SEMA4F: variants seen among roughly 807,000 people sequenced by gnomAD.
SEMA4F encodes the protein semaphorin-4F.
Under a neutral mutation model 78.4 loss-of-function variants are expected in SEMA4F, and 51 were observed. The observed-to-expected ratio is 0.65, with a 90% CI of 0.52 to 0.82. The LOEUF (loss-of-function observed/expected upper bound fraction) is 0.82. Among genes scored for constraint, SEMA4F ranks in the 40% least tolerant of loss-of-function variants. The pLI is 0.00. For missense variants in SEMA4F, 938 were observed against 1,014.4 expected (o/e 0.92, Z 1.02); for synonymous variants, 418 against 408.7 (o/e 1.02, Z -0.27).
At chr2:74,657,730 C>T in intron 3 of SEMA4F, 106 bp downstream of exon 3, 1 of 1,392,520 alleles carries the variant, frequency 7.2e-7, no homozygotes, top group South Asian at 1.2e-5. Context: ...CAGGCAGAGA[C>T]TCTAACACCA....
At position 74,665,947 on chromosome 2, in the gene SEMA4F, G is replaced by A. The variant is rs148384427; in HGVS notation, c.550+3122G>A. Among the ~76,000 whole-genome samples, 541 of 147,842 alleles carry A rather than the reference G, an allele frequency of 3.7e-3. 3 individuals are homozygous for A. The highest frequency in any genetic ancestry group is 0.013 in the African/African-American group (506 of 40,042). The stretch of plus-strand genomic sequence containing the variant: ...TTTTGAGACGGAGTCTCGCTCTGTC[G>A]CCCAGGCTGGAATGCAGTGGCGCCA... On this transcript the variant is annotated intron_variant, in intron 5 of 13. Coordinates refer to ENST00000357877, the MANE Select transcript of SEMA4F (RefSeq NM_004263.5).
At chr2:74,694,095 T>A in the SEMA4F span, among the ~76,000 whole-genome samples, 1 of 152,250 alleles carries the variant, frequency 6.6e-6, no homozygotes, top group African/African-American at 2.4e-5. Flanking sequence ...TATATTCCTA[T>A]GTTTGATAAA....
chr2:74,703,670 T>C, the SEMA4F span, among the ~76,000 whole-genome samples: 1 of 152,164 alleles, frequency 6.6e-6, no homozygotes, highest in Non-Finnish European at 1.5e-5. Flanking sequence ...CCTGGCCAAA[T>C]TGGCTGGAGA....
At chr2:74,676,844 A>C (rs142253099) in intron 12 of SEMA4F, among the ~76,000 whole-genome samples, 2 of 152,286 alleles carry the variant, frequency 1.3e-5, no homozygotes, top group Non-Finnish European at 2.9e-5. Context: ...CTGACATTAT[A>C]TCATATTCAT....
chr2:74,674,372 T>G, intron 7 of SEMA4F, 126 bp from the exon 8 acceptor site: 1 of 781,970 alleles, frequency 1.3e-6, no homozygotes, highest in Non-Finnish European at 2.0e-6. Flanking sequence ...TCCTTGCATT[T>G]GTATGTATCT....
In SEMA4F at chr2:74,675,554, ATCGGAGC is replaced by A; in HGVS notation, c.1405_1411del (p.Gly469SerfsTer20). 6.2e-7 allele frequency: 1 copy of A among 1,614,130 alleles called. No homozygotes were observed. Among genetic ancestry groups the A allele is most frequent in the Non-Finnish European group, 8.5e-7 (1 of 1,179,984 alleles). Reference sequence around the variant, plus strand: ...TGGACACCTCCACCGAGCAGTGCGGATCGGAGCTCAGCTCAGCGTTCTTGAAGATCTG... The same window carrying A: ...TGGACACCTCCACCGAGCAGTGCGGATCAGCTCAGCGTTCTTGAAGATCTG... On this transcript the variant is annotated frameshift_variant, in exon 11 of 14. Coordinates refer to ENST00000357877, the MANE Select transcript of SEMA4F (RefSeq NM_004263.5). LOFTEE classifies it high-confidence loss of function.
chr2:74,673,484 A>T lies in SEMA4F; in HGVS notation c.578A>T (p.Lys193Ile). The T allele has an allele frequency of 1.2e-6, 2 of 1,614,108 alleles. No homozygotes were observed. Among genetic ancestry groups the T allele is most frequent in the Non-Finnish European group, 1.7e-6 (2 of 1,180,012 alleles). ...AGGVLYAATV[K>I]NYLGTEPIIT... is the part of the protein sequence containing the mutation. ...GGGGTCCTCTATGCTGCCACTGTGA[A>T]AAACTACCTGGGGACGGAGCCAATT... The change falls in exon 6 of 14, where the codon AAA (lysine) becomes ATA (isoleucine). Residue 193 changes from lysine (K) to isoleucine (I), a missense_variant. Physicochemically the swap from Lys to Ile is moderately radical, Grantham distance 102 (BLOSUM62 -3). Coordinates refer to ENST00000357877, the MANE Select transcript of SEMA4F (RefSeq NM_004263.5).
chr2:74,690,398 T>C, the SEMA4F span, among the ~76,000 whole-genome samples: 1 of 151,944 alleles, frequency 6.6e-6, no homozygotes, highest in South Asian at 2.1e-4. Context: ...TGTGCATGAA[T>C]TGAGATAGAA....
intron 5 of SEMA4F, among the ~76,000 whole-genome samples, chr2:74,667,976 C>T (rs1684780642): frequency 1.3e-5 from 2 of 152,174 alleles, no homozygotes; most frequent in Non-Finnish European, 2.9e-5. Context: ...GGATGTCCCA[C>T]AGGAATCTGA....
intron 4 of SEMA4F, among the ~76,000 whole-genome samples, chr2:74,661,585 T>A (rs568516376): frequency 2.6e-5 from 4 of 152,344 alleles, no homozygotes; most frequent in Non-Finnish European, 5.9e-5. Flanking sequence ...ATGCTCCCAC[T>A]GTCACACAGC....
intron 3 of SEMA4F, 30 bp downstream of exon 3, chr2:74,657,654 T>C (rs757873217): frequency 1.2e-6 from 2 of 1,609,764 alleles, no homozygotes; most frequent in African/African-American, 1.3e-5. Flanking sequence ...CTGTCTTGAG[T>C]GTCAGTTGAG....
At chr2:74,673,859 A>T (rs768589810) in intron 7 of SEMA4F, 31 bp downstream of exon 7, 5 of 1,602,386 alleles carry the variant, frequency 3.1e-6, no homozygotes, top group Non-Finnish European at 4.3e-6. Context: ...TCTGTCTGTC[A>T]TCTCCTGCTC....
intron 1 of SEMA4F, chr2:74,655,351 G>A: frequency 2.9e-6 from 1 of 347,908 alleles, no homozygotes; most frequent in Non-Finnish European, 6.1e-6. Context: ...GGTTAAAAGT[G>A]ATCATTGGGG....
intron 4 of SEMA4F, 32 bp from the exon 5 acceptor site, chr2:74,662,700 C>A: frequency 6.4e-7 from 1 of 1,570,052 alleles, no homozygotes; most frequent in Non-Finnish European, 8.8e-7. Context: ...TCCCTATGAC[C>A]CCTAAACCAA....
At chr2:74,699,327 C>T in the SEMA4F span, among the ~76,000 whole-genome samples, 1 of 152,204 alleles carries the variant, frequency 6.6e-6, no homozygotes, top group African/African-American at 2.4e-5. Context: ...CCAGCTGACC[C>T]AGACTATGGC....
chr2:74,675,006 A>G lies in SEMA4F; in HGVS notation c.1120A>G (p.Asn374Asp). The G allele has an allele frequency of 1.9e-6, 3 of 1,613,888 alleles. No individual in the cohort carries two copies. Among genetic ancestry groups the G allele is most frequent in the Non-Finnish European group, 2.5e-6 (3 of 1,179,994 alleles). ...DCNRGLPVVDNDVPQPRPGEC... is the reference protein window; with the variant it reads ...DCNRGLPVVDDDVPQPRPGEC... The stretch of plus-strand genomic sequence containing the variant: ...CAACAGAGGACTGCCTGTCGTGGAC[A>G]ATGATGTGCCCCAGCCCAGACCTGG... Residue 374 changes from asparagine (N) to aspartate (D), a missense_variant, in exon 9 of 14, where the codon AAT becomes GAT. Asn to Asp is a conservative substitution (Grantham distance 23). Coordinates refer to ENST00000357877, the MANE Select transcript of SEMA4F (RefSeq NM_004263.5).
At chr2:74,668,170 G>A (rs954708430) in intron 5 of SEMA4F, among the ~76,000 whole-genome samples, 1 of 130,170 alleles carries the variant, frequency 7.7e-6, no homozygotes, top group Admixed American at 7.1e-5. Flanking sequence ...TTTCTATCAA[G>A]AAGAGCAGAA....
chr2:74,702,545 A>G, the SEMA4F span, among the ~76,000 whole-genome samples: 2 of 152,164 alleles, frequency 1.3e-5, no homozygotes, highest in South Asian at 4.1e-4. Flanking sequence ...GGCTGATCTC[A>G]TCTAATTAGG....
Position 74,662,728 on chromosome 2 carries a change from A to G in SEMA4F, c.457-4A>G, listed in dbSNP as rs1276658937. On this transcript the variant is annotated splice_region_variant and splice_polypyrimidine_tract_variant and intron_variant, in intron 4 of 13. Transcript: ENST00000357877. ...TAAACCAATTGCCCCCTTCTGGTCT[A>G]TAGGATGTGTCCAGGTTCCAGCAGG... 5 of 1,613,534 alleles carry G rather than the reference A, an allele frequency of 3.1e-6. No homozygotes were observed. Among genetic ancestry groups the G allele is most frequent in the African/African-American group, 1.3e-5 (1 of 74,922 alleles).
Sources: allele counts gnomAD v4.1 joint callset (sites outside exome capture counted in the v4.1 genomes callset), GRCh38; gene constraint gnomAD v4.1.1; transcripts MANE v1.5; gene names NCBI Gene and HGNC (gene_info 2026-07-23, HGNC 2026-07-21).